Variants in ALK observed in about 807,000 individuals in gnomAD.
ALK encodes ALK tyrosine kinase receptor.
ALK carries 74 observed loss-of-function variants against 163.1 expected under a neutral mutation model. That is an observed-to-expected ratio of 0.45 (90% confidence interval 0.38 to 0.55). The LOEUF is 0.55. ALK is among the 20% of genes least tolerant of loss of function. The pLI is 0.00. For synonymous variants in ALK, 960 were observed against 843.2 expected, an observed-to-expected ratio of 1.14 and a Z score of -2.40; for missense variants, 2,063 against 2,105.3, an observed-to-expected ratio of 0.98 and a Z score of 0.39.
intron 1 of ALK, among the ~76,000 whole-genome samples, chr2:29,882,162 G>C (rs566776827): frequency 9.9e-5 from 15 of 152,242 alleles, no homozygotes; most frequent in African/African-American, 3.4e-4. Flanking sequence ...TGAGAGCATC[G>C]ATGTCCCCTC....
chr2:29,617,932 G>C (rs1201733152), intron 3 of ALK, among the ~76,000 whole-genome samples: 2 of 152,158 alleles, frequency 1.3e-5, no homozygotes, highest in Non-Finnish European at 2.9e-5. Context: ...CCATAGTCCT[G>C]TGATGACTCT....
At chr2:29,730,131 C>A (rs1312801689) in intron 1 of ALK, among the ~76,000 whole-genome samples, 1 of 152,186 alleles carries the variant, frequency 6.6e-6, no homozygotes, top group East Asian at 1.9e-4. Flanking sequence ...CAAGGACCTG[C>A]CATTAAATGC....
chr2:29,280,619 T>C (rs1665690065), intron 9 of ALK, among the ~76,000 whole-genome samples: 1 of 150,308 alleles, frequency 6.7e-6, no homozygotes, highest in Non-Finnish European at 1.5e-5. Flanking sequence ...GGTGGACCAC[T>C]CTGGGACTGA....
intron 1 of ALK, among the ~76,000 whole-genome samples, chr2:29,720,138 T>C (rs989344832): frequency 1.3e-5 from 2 of 151,918 alleles, no homozygotes; most frequent in African/African-American, 4.8e-5. Flanking sequence ...GGAGCACTTA[T>C]GAATCTGTGA....
intron 3 of ALK, among the ~76,000 whole-genome samples, chr2:29,617,012 C>T (rs892585786): frequency 6.6e-6 from 1 of 152,102 alleles, no homozygotes; most frequent in African/African-American, 2.4e-5. Context: ...GTGATATTCA[C>T]CTGGTGAATA....
At chr2:29,255,834 T>C (rs889423424) in intron 11 of ALK, among the ~76,000 whole-genome samples, 2 of 152,204 alleles carry the variant, frequency 1.3e-5, no homozygotes, top group Admixed American at 6.5e-5. Flanking sequence ...GTTTTATCTA[T>C]AGTGTCTCTC....
At chr2:29,586,232 G>T (rs866463348) in intron 3 of ALK, among the ~76,000 whole-genome samples, 4 of 143,464 alleles carry the variant, frequency 2.8e-5, no homozygotes, top group Non-Finnish European at 4.7e-5. Context: ...TTTTGGGGGG[G>T]ATATTAACAT....
Position 29,197,644 on chromosome 2 carries a change from G to A in ALK, c.3971C>T (p.Ser1324Phe), listed in dbSNP as rs758127441. 6.2e-7 allele frequency: 1 copy of A among 1,614,014 alleles called. No individual in the cohort carries two copies. ...SFGVLLWEIFSLGYMPYPSKS... is the reference protein window; with the variant it reads ...SFGVLLWEIFFLGYMPYPSKS... ...GCTGGGGTATGGCATATATCCAAGA[G>A]AAAAGATTTCCCATAGCAGCACTCC... The change falls in exon 27 of 29, where the codon TCT (serine) becomes TTT (phenylalanine). Residue 1324 changes from serine to phenylalanine, a missense_variant. Around this residue, in one of 5 missense-constraint regions of ALK, gnomAD observed 83 missense variants for 139.7 expected, o/e 0.59. Coordinates refer to ENST00000389048, the MANE Select transcript of ALK (RefSeq NM_004304.5).
At chr2:29,631,532 T>G (rs1676375756) in intron 3 of ALK, among the ~76,000 whole-genome samples, 1 of 152,102 alleles carries the variant, frequency 6.6e-6, no homozygotes, top group Non-Finnish European at 1.5e-5. Context: ...GGAACAGGAG[T>G]TGGAAATCCC....
intron 15 of ALK, 114 bp from the exon 16 acceptor site, chr2:29,229,180 TC>T: frequency 4.4e-6 from 4 of 904,826 alleles, no homozygotes; most frequent in Non-Finnish European, 7.2e-6. Context: ...CAGCTCCAGC[TC>T]CCGGGGCCCA....
At chr2:29,459,563 GA>G (rs745749983) in intron 4 of ALK, among the ~76,000 whole-genome samples, 6 of 143,402 alleles carry the variant, frequency 4.2e-5, no homozygotes, top group Non-Finnish European at 7.7e-5. Context: ...TCTAGCTAAT[GA>G]TTTTTTTTTT....
At chr2:29,738,875 C>CA (rs754817582) in intron 1 of ALK, among the ~76,000 whole-genome samples, 1 of 151,902 alleles carries the variant, frequency 6.6e-6, no homozygotes, top group Admixed American at 6.6e-5. Context: ...AATCCAGTTC[C>CA]AAAAATAGCA....
At chr2:29,606,932 T>C (rs1288267799) in intron 3 of ALK, among the ~76,000 whole-genome samples, 1 of 152,218 alleles carries the variant, frequency 6.6e-6, no homozygotes, top group African/African-American at 2.4e-5. Context: ...AAATACACAG[T>C]GCTCACCAGC....
At chr2:29,617,504 C>G (rs892719498) in intron 3 of ALK, among the ~76,000 whole-genome samples, 2 of 152,144 alleles carry the variant, frequency 1.3e-5, no homozygotes, top group Admixed American at 1.3e-4. Flanking sequence ...CATTTCAGAG[C>G]ATATAGTCCA....
chr2:29,228,780 C>T, intron 16 of ALK, 104 bp downstream of exon 16: 3 of 798,176 alleles, frequency 3.8e-6, no homozygotes, highest in South Asian at 1.4e-5. Flanking sequence ...TCACAGTCCA[C>T]ACTTGGGCAG....
intron 1 of ALK, among the ~76,000 whole-genome samples, chr2:29,889,180 T>G (rs1481077322): frequency 6.6e-6 from 1 of 152,150 alleles, no homozygotes; most frequent in African/African-American, 2.4e-5. Context: ...AAAGCACATT[T>G]AAATAGAAAT....
chr2:29,606,576 C>T (rs1675547828), intron 3 of ALK, among the ~76,000 whole-genome samples: 1 of 152,218 alleles, frequency 6.6e-6, no homozygotes. Flanking sequence ...GAGCTCATCT[C>T]TTCAGGCAGA....
chr2:29,493,349 A>G (rs1671948214), intron 4 of ALK, among the ~76,000 whole-genome samples: 1 of 151,974 alleles, frequency 6.6e-6, no homozygotes, highest in Non-Finnish European at 1.5e-5. Flanking sequence ...TCATCCCCAA[A>G]CTCTGCTCCA....
At chr2:29,578,231 A>G (rs11676566) in intron 3 of ALK, among the ~76,000 whole-genome samples, 28,284 of 152,022 alleles carry the variant, frequency 0.19, 3,320 homozygotes, top group Non-Finnish European at 0.27. Context: ...CTGTTCATGT[A>G]AGACATGACT....
Sources: allele counts gnomAD v4.1 joint callset (sites outside exome capture counted in the v4.1 genomes callset), GRCh38; gene constraint gnomAD v4.1.1; regional missense constraint gnomAD v4.1.1; transcripts MANE v1.5; gene names NCBI Gene and HGNC (gene_info 2026-07-23, HGNC 2026-07-21).